The following PRKD1 variants were observed in gnomAD, a reference collection of about 807,000 sequenced individuals.
The protein encoded by PRKD1 is protein kinase D1.
Under a neutral mutation model 95.9 loss-of-function variants are expected in PRKD1, and 63 were observed. The observed-to-expected ratio is 0.66, with a 90% CI of 0.54 to 0.81. The LOEUF is 0.81. Ranked by LOEUF, PRKD1 falls within the 30% of genes least tolerant of loss-of-function variation. The pLI is 0.00. For synonymous variants in PRKD1, 425 were observed against 423.1 expected (o/e 1.00, Z -0.05); for missense variants, 1,048 against 1,165.3 (o/e 0.90, Z 1.47).
At chr14:29,590,629 AAATT>A (rs1893093646) in intron 16 of PRKD1, among the ~76,000 whole-genome samples, 1 of 152,178 alleles carries the variant, frequency 6.6e-6, no homozygotes. Flanking sequence ...ATATAAAACA[AAATT>A]AATCAGCAAT....
intron 1 of PRKD1, among the ~76,000 whole-genome samples, chr14:29,742,749 C>T (rs978141049): frequency 1.3e-5 from 2 of 152,184 alleles, no homozygotes; most frequent in Middle Eastern, 3.4e-3. Flanking sequence ...TGCATATAAT[C>T]GATCAATATA....
At chr14:29,776,358 G>A (rs186391426) in intron 1 of PRKD1, among the ~76,000 whole-genome samples, 244 of 152,264 alleles carry the variant, frequency 1.6e-3, no homozygotes, top group African/African-American at 5.7e-3. Flanking sequence ...AGCTAAAGGA[G>A]GATGTTCGAA....
Position 29,905,417 on chromosome 14 carries a change from G to T in PRKD1, c.264+21832C>A, listed in dbSNP as rs564974531. On this transcript the variant is annotated intron_variant, in intron 1 of 17. Coordinates refer to ENST00000331968, the MANE Select transcript of PRKD1 (RefSeq NM_002742.3). Reference sequence around the variant, plus strand: ...AGGAATGCTTTTTGTGTATCAAGAGGCCTACTCTTAAAATGCCTAGGTAAA... The same window carrying T: ...AGGAATGCTTTTTGTGTATCAAGAGTCCTACTCTTAAAATGCCTAGGTAAA... Among the ~76,000 whole-genome samples, 37 of 152,066 alleles carry T rather than the reference G, an allele frequency of 2.4e-4. No individual in the cohort carries two copies. The South Asian group carries it at 6.6e-3, about 27-fold the overall frequency.
chr14:29,816,257 G>T (rs952247505), intron 1 of PRKD1, among the ~76,000 whole-genome samples: 7 of 152,110 alleles, frequency 4.6e-5, no homozygotes, highest in Non-Finnish European at 7.4e-5. Context: ...CAGCTTAGTT[G>T]TGTCAATAGC....
intron 1 of PRKD1, among the ~76,000 whole-genome samples, chr14:29,748,788 A>G (rs1448842497): frequency 6.6e-6 from 1 of 152,240 alleles, no homozygotes; most frequent in South Asian, 2.1e-4. Context: ...GAATCATCTT[A>G]ATGTACCATG....
At chr14:29,704,685 T>G (rs753162618) in intron 2 of PRKD1, among the ~76,000 whole-genome samples, 1 of 152,176 alleles carries the variant, frequency 6.6e-6, no homozygotes, top group Non-Finnish European at 1.5e-5. Flanking sequence ...TAACTGGTTT[T>G]CTTTGTTTTG....
At chr14:29,717,753 C>G (rs1885694823) in intron 2 of PRKD1, among the ~76,000 whole-genome samples, 2 of 152,016 alleles carry the variant, frequency 1.3e-5, no homozygotes, top group African/African-American at 4.8e-5. Flanking sequence ...TATAATGCAG[C>G]AGAATGGAAA....
chr14:29,770,900 C>T (rs1888471781), intron 1 of PRKD1, among the ~76,000 whole-genome samples: 2 of 135,086 alleles, frequency 1.5e-5, no homozygotes, highest in Admixed American at 8.0e-5. Context: ...CCACTGCACT[C>T]CAGCCTGAGT....
At chr14:29,926,823 G>A (rs1206237510) in intron 1 of PRKD1, among the ~76,000 whole-genome samples, 4 of 151,990 alleles carry the variant, frequency 2.6e-5, no homozygotes, top group Non-Finnish European at 5.9e-5. Flanking sequence ...CTTGTCTCCA[G>A]GTCATTCCGG....
chr14:29,705,316 A>G (rs1486304620), intron 2 of PRKD1, among the ~76,000 whole-genome samples: 1 of 151,648 alleles, frequency 6.6e-6, no homozygotes, highest in Non-Finnish European at 1.5e-5. Context: ...TTGCTGCAAA[A>G]GTAATTGCGG....
At chr14:29,864,727 TA>T (rs1892827170) in intron 1 of PRKD1, among the ~76,000 whole-genome samples, 1 of 151,968 alleles carries the variant, frequency 6.6e-6, no homozygotes, top group African/African-American at 2.4e-5. Context: ...TGTAAAGAAG[TA>T]ATATAGTTAA....
chr14:29,852,460 A>C (rs950956385), intron 1 of PRKD1, among the ~76,000 whole-genome samples: 2 of 152,094 alleles, frequency 1.3e-5, no homozygotes, highest in Non-Finnish European at 2.9e-5. Flanking sequence ...ACTGAAGAAA[A>C]GTGAACAGAG....
intron 1 of PRKD1, among the ~76,000 whole-genome samples, chr14:29,767,819 T>C (rs185634874): frequency 3.1e-4 from 47 of 152,350 alleles, no homozygotes; most frequent in African/African-American, 9.4e-4. Flanking sequence ...AAGTGATTGA[T>C]TTCAATCACA....
At chr14:29,626,601 A>G in intron 11 of PRKD1, 45 bp from the exon 12 acceptor site, 1 of 1,256,778 alleles carries the variant, frequency 8.0e-7, no homozygotes. Context: ...AGCAGAACAA[A>G]ACATTAGTCC....
intron 1 of PRKD1, among the ~76,000 whole-genome samples, chr14:29,897,972 T>C (rs1894190651): frequency 6.6e-6 from 1 of 151,990 alleles, no homozygotes; most frequent in African/African-American, 2.4e-5. Flanking sequence ...ATAAAGAAAA[T>C]GTTATATATT....
intron 1 of PRKD1, among the ~76,000 whole-genome samples, chr14:29,747,623 A>G (rs1341105492): frequency 6.6e-6 from 1 of 151,576 alleles, no homozygotes; most frequent in Non-Finnish European, 1.5e-5. Flanking sequence ...AGCTATAATA[A>G]GGAATGAAGT....
intron 13 of PRKD1, among the ~76,000 whole-genome samples, chr14:29,602,151 A>G (rs1893543768): frequency 6.6e-6 from 1 of 152,198 alleles, no homozygotes; most frequent in Non-Finnish European, 1.5e-5. Context: ...AGAAAGGAGC[A>G]GAGCAACAGA....
chr14:29,889,472 C>G (rs1299458520), intron 1 of PRKD1, among the ~76,000 whole-genome samples: 1 of 152,080 alleles, frequency 6.6e-6, no homozygotes, highest in African/African-American at 2.4e-5. Flanking sequence ...CCTTTCCTAG[C>G]CAAGGGAAGC....
intron 1 of PRKD1, among the ~76,000 whole-genome samples, chr14:29,891,702 G>C (rs1322737291): frequency 6.8e-6 from 1 of 146,530 alleles, no homozygotes; most frequent in African/African-American, 2.5e-5. Context: ...TGTTTTGTTT[G>C]CCATATTTGC....
Sources: gnomAD v4.1 joint callset for allele counts (sites outside exome capture counted in the v4.1 genomes callset) on GRCh38, gnomAD v4.1.1 for gene constraint, MANE v1.5 for transcripts, NCBI Gene and HGNC (gene_info 2026-07-23, HGNC 2026-07-21) for gene names.